Variants in TRIM2 observed in about 807,000 individuals in gnomAD.
TRIM2 encodes the protein tripartite motif-containing protein 2.
In TRIM2, 20 loss-of-function variants were observed where a neutral mutation model predicts 75.2. The ratio of observed to expected loss-of-function variants is 0.27; its 90% CI spans 0.19 to 0.39. The LOEUF (loss-of-function observed/expected upper bound fraction) is 0.39. Among genes scored for constraint, TRIM2 ranks in the 10% least tolerant of loss-of-function variants. The pLI is 1.00. For synonymous variants in TRIM2, 373 were observed against 388.3 expected (o/e 0.96, Z 0.46); for missense variants, 660 against 990.8 (o/e 0.67, Z 4.48).
At chr4:153,328,273 T>A in intron 10 of TRIM2, among the ~76,000 whole-genome samples, 1 of 152,232 alleles carries the variant, frequency 6.6e-6, no homozygotes. Flanking sequence ...AAAGGTATCA[T>A]TCACATAAGG....
intron 1 of TRIM2, among the ~76,000 whole-genome samples, chr4:153,182,222 C>T (rs1412602985): frequency 1.3e-5 from 2 of 152,160 alleles, no homozygotes; most frequent in Non-Finnish European, 2.9e-5. Flanking sequence ...AGGGGCACCT[C>T]CTAAGGCTGT....
At chr4:153,163,190 AT>A (rs965675757) in intron 1 of TRIM2, among the ~76,000 whole-genome samples, 1 of 151,496 alleles carries the variant, frequency 6.6e-6, no homozygotes, top group African/African-American at 2.4e-5. Context: ...GATTTACATC[AT>A]TTTTTTTTCT....
chr4:153,282,306 T>G (rs1429750110), intron 3 of TRIM2, among the ~76,000 whole-genome samples: 1 of 152,246 alleles, frequency 6.6e-6, no homozygotes, highest in African/African-American at 2.4e-5. Flanking sequence ...CAAAATCATT[T>G]CAGGGCCTTG....
chr4:153,276,037 T>C lies in TRIM2; in HGVS notation c.360T>C (p.Thr120=), dbSNP rs1274752496. Residue 120 remains threonine (T), a synonymous_variant, in exon 3 of 12, where the codon ACT becomes ACC. Coordinates refer to ENST00000338700, the MANE Select transcript of TRIM2 (RefSeq NM_015271.5). ...ITNLMDVLQR[T]PGSNAEESSI... is the part of the protein sequence containing the mutation. ...ACCTGATGGACGTGCTGCAGCGAAC[T>C]CCAGGCAGCAACGCTGAGGAGTCTT... is the stretch of plus-strand genomic sequence containing the variant. 10 of 1,614,200 alleles carry C rather than the reference T, an allele frequency of 6.2e-6. No homozygotes were observed. Among genetic ancestry groups the C allele is most frequent in the East Asian group, 2.2e-5 (1 of 44,886 alleles).
At position 153,305,534 on chromosome 4, in the gene TRIM2, C is replaced by T. The variant is rs193010057; in HGVS notation, c.1510+9498C>T. Among the ~76,000 whole-genome samples, 83 of 152,316 alleles carry T rather than the reference C, an allele frequency of 5.4e-4. 1 individual carries two copies. The highest frequency in any genetic ancestry group is 1.9e-3 in the African/African-American group (80 of 41,576). Reference sequence around the variant, plus strand: ...ATAAAGGAAATAATTGTATTTGGCTCATGGTTCTGGAGGCTGTGAAGTCCA... The same window carrying T: ...ATAAAGGAAATAATTGTATTTGGCTTATGGTTCTGGAGGCTGTGAAGTCCA... On this transcript the variant is annotated intron_variant, in intron 6 of 11. Coordinates refer to ENST00000338700, the MANE Select transcript of TRIM2 (RefSeq NM_015271.5).
intron 1 of TRIM2, among the ~76,000 whole-genome samples, chr4:153,230,698 C>A (rs1743390133): frequency 6.6e-6 from 1 of 152,174 alleles, no homozygotes; most frequent in Non-Finnish European, 1.5e-5. Context: ...ATGAAGATAA[C>A]CCTGTTGACC....
intron 1 of TRIM2, among the ~76,000 whole-genome samples, chr4:153,204,934 G>A (rs137920522): frequency 1.9e-3 from 284 of 152,324 alleles, no homozygotes; most frequent in African/African-American, 6.6e-3. Flanking sequence ...CTGTAAGCCA[G>A]CTGCTAGCCG....
chr4:153,295,762 G>A lies in TRIM2; in HGVS notation c.1236G>A (p.Lys412=). 3.1e-6 allele frequency: 5 copies of A among 1,614,070 alleles called. No homozygotes were observed. The East Asian group carries it at 8.9e-5, about 29-fold the overall frequency. The change falls in exon 6 of 12, where the codon AAG becomes AAA. Residue 412 remains lysine, a synonymous_variant. Transcript: ENST00000338700. This position sits in a 1 kb window ranked among gnomAD's most constrained non-coding sequence, Gnocchi z 7.2. Reference sequence around the variant, plus strand: ...CAGACGGGGAGATCCTGGACAACAAGAACGGCACCTATGAGTTTTTGTACA... The same window carrying A: ...CAGACGGGGAGATCCTGGACAACAAAAACGGCACCTATGAGTTTTTGTACA... ...SVADGEILDN[K]NGTYEFLYTV...
chr4:153,333,512 G>A (rs548424603), intron 11 of TRIM2, among the ~76,000 whole-genome samples: 3 of 152,188 alleles, frequency 2.0e-5, no homozygotes, highest in Admixed American at 1.3e-4. Context: ...AGGAAACTGA[G>A]TGAAGAGTAC....
At chr4:153,257,564 G>C in intron 1 of TRIM2, 2 of 1,289,788 alleles carry the variant, frequency 1.6e-6, no homozygotes, top group Non-Finnish European at 2.0e-6. Context: ...TCACTACTTA[G>C]AGCAGAAGAT....
chr4:153,176,904 C>A (rs188801023), intron 1 of TRIM2, among the ~76,000 whole-genome samples: 1 of 152,348 alleles, frequency 6.6e-6, no homozygotes, highest in Non-Finnish European at 1.5e-5. Flanking sequence ...AGCCACCGCA[C>A]CTAGCCTACA....
chr4:153,232,787 C>T (rs1223012285), intron 1 of TRIM2, among the ~76,000 whole-genome samples: 2 of 152,234 alleles, frequency 1.3e-5, no homozygotes, highest in Non-Finnish European at 2.9e-5. Context: ...TGTCTCCTTT[C>T]TCCTTTGTAC....
At chr4:153,197,268 T>C (rs1305687495) in intron 1 of TRIM2, among the ~76,000 whole-genome samples, 3 of 152,094 alleles carry the variant, frequency 2.0e-5, no homozygotes, top group Non-Finnish European at 1.5e-5. Context: ...AACCTAAGAG[T>C]ATTTTTTATC....
chr4:153,199,624 T>C (rs554126437), upstream of TRIM2, among the ~76,000 whole-genome samples: 1 of 152,268 alleles, frequency 6.6e-6, no homozygotes, highest in African/African-American at 2.4e-5. Context: ...AAAACAGCAT[T>C]CTTCCTTACC....
intron 1 of TRIM2, among the ~76,000 whole-genome samples, chr4:153,214,494 C>T (rs938723281): frequency 6.6e-6 from 1 of 152,136 alleles, no homozygotes; most frequent in African/African-American, 2.4e-5. Flanking sequence ...AATCTTGGAA[C>T]AAAAGAAACA....
intron 1 of TRIM2, among the ~76,000 whole-genome samples, chr4:153,171,610 AT>A (rs1239491538): frequency 1.4e-5 from 2 of 146,758 alleles, no homozygotes; most frequent in Non-Finnish European, 3.0e-5. Context: ...AAACAAAAAA[AT>A]ATATATATAT....
intron 1 of TRIM2, among the ~76,000 whole-genome samples, chr4:153,187,324 C>T (rs868451911): frequency 3.9e-5 from 6 of 152,238 alleles, no homozygotes; most frequent in South Asian, 2.1e-4. Flanking sequence ...AGGGGCCAGC[C>T]GGTAGCTGTT....
intron 1 of TRIM2, among the ~76,000 whole-genome samples, chr4:153,186,327 G>C (rs1732592734): frequency 6.6e-6 from 1 of 152,048 alleles, no homozygotes; most frequent in Non-Finnish European, 1.5e-5. Flanking sequence ...TCTGTGATTT[G>C]GTGAAGCTAA....
At chr4:153,206,624 CATGATTGATCAA>C (rs1162511531) in intron 1 of TRIM2, among the ~76,000 whole-genome samples, 1 of 152,102 alleles carries the variant, frequency 6.6e-6, no homozygotes, top group Non-Finnish European at 1.5e-5. Flanking sequence ...ATTACAAAGG[CATGATTGATCAA>C]ACCATTGGCC....
Sources: gnomAD v4.1 joint callset for allele counts (sites outside exome capture counted in the v4.1 genomes callset) on GRCh38, gnomAD v4.1.1 for gene constraint, Gnocchi (gnomAD v3.1) non-coding constraint, MANE v1.5 for transcripts, NCBI Gene and HGNC (gene_info 2026-07-23, HGNC 2026-07-21) for gene names.